Variants in ANKS1B observed in about 807,000 individuals in gnomAD.
ANKS1B encodes the protein ankyrin repeat and sterile alpha motif domain-containing protein 1B.
A neutral mutation model predicts 148.3 loss-of-function variants in ANKS1B; 36 were observed. That is an observed-to-expected ratio of 0.24 (90% CI 0.19 to 0.32). ANKS1B has a LOEUF of 0.32. ANKS1B is among the 10% of genes least tolerant of loss of function. ANKS1B has a pLI of 1.00. For missense variants in ANKS1B, 1,157 were observed against 1,542.6 expected (o/e 0.75, Z 4.19); for synonymous variants, 542 against 560.8 (o/e 0.97, Z 0.47).
chr12:98,984,929 T>A (rs2099922359), intron 17 of ANKS1B, among the ~76,000 whole-genome samples: 1 of 152,140 alleles, frequency 6.6e-6, no homozygotes, highest in African/African-American at 2.4e-5. Flanking sequence ...AAGGATTGCT[T>A]GAGCTTGGGA....
chr12:98,896,969 C>A (rs1043653299), intron 17 of ANKS1B, among the ~76,000 whole-genome samples: 2 of 152,184 alleles, frequency 1.3e-5, no homozygotes, highest in African/African-American at 4.8e-5. Context: ...GCTGTCATTT[C>A]TTGGCAGTGA....
At chr12:99,491,954 A>G (rs1191324060) in intron 10 of ANKS1B, among the ~76,000 whole-genome samples, 1 of 152,170 alleles carries the variant, frequency 6.6e-6, no homozygotes, top group Non-Finnish European at 1.5e-5. Context: ...CACATCAAAA[A>G]TTTAGAAAGA....
chr12:98,883,250 T>C (rs2099719251), intron 17 of ANKS1B, among the ~76,000 whole-genome samples: 2 of 152,248 alleles, frequency 1.3e-5, no homozygotes, highest in Non-Finnish European at 2.9e-5. Context: ...GATTCCAAGA[T>C]TGTGCATAAA....
intron 15 of ANKS1B, among the ~76,000 whole-genome samples, chr12:99,089,206 T>G (rs986345835): frequency 3.3e-5 from 5 of 151,846 alleles, no homozygotes; most frequent in Non-Finnish European, 1.5e-5. Context: ...GTCAATGATT[T>G]GGGGGCAGAG....
At chr12:99,605,117 A>G (rs2097842383) in intron 9 of ANKS1B, among the ~76,000 whole-genome samples, 1 of 152,054 alleles carries the variant, frequency 6.6e-6, no homozygotes, top group African/African-American at 2.4e-5. Flanking sequence ...TCTTAACACT[A>G]AAGGTAATTT....
chr12:99,282,500 G>A (rs556577199), intron 12 of ANKS1B, among the ~76,000 whole-genome samples: 27 of 152,266 alleles, frequency 1.8e-4, no homozygotes, highest in African/African-American at 5.5e-4. Context: ...ACTCTTGTGC[G>A]AATAGACTGT....
chr12:99,731,812 T>C (rs1211085701), intron 8 of ANKS1B, among the ~76,000 whole-genome samples: 1 of 152,138 alleles, frequency 6.6e-6, no homozygotes, highest in African/African-American at 2.4e-5. Context: ...ACTGTAAAAC[T>C]GGGCTTCATC....
intron 14 of ANKS1B, among the ~76,000 whole-genome samples, chr12:99,222,037 C>T (rs2085207459): frequency 6.6e-6 from 1 of 151,784 alleles, no homozygotes; most frequent in Admixed American, 6.6e-5. Flanking sequence ...CTATGTTCTA[C>T]TGTGGAAATA....
intron 17 of ANKS1B, among the ~76,000 whole-genome samples, chr12:98,889,590 A>C (rs1381219317): frequency 6.6e-6 from 1 of 152,164 alleles, no homozygotes; most frequent in African/African-American, 2.4e-5. Flanking sequence ...CAAGTGATCC[A>C]CCTGCCTCAG....
chr12:99,127,666 C>T (rs1448673701), intron 15 of ANKS1B, among the ~76,000 whole-genome samples: 1 of 152,156 alleles, frequency 6.6e-6, no homozygotes, highest in East Asian at 1.9e-4. Flanking sequence ...GCACCAAGGG[C>T]CGTGTAGTTT....
At chr12:99,829,494 C>CA (rs1297246464) in intron 1 of ANKS1B, among the ~76,000 whole-genome samples, 2 of 151,874 alleles carry the variant, frequency 1.3e-5, no homozygotes, top group Non-Finnish European at 2.9e-5. Context: ...ACTAAAAATA[C>CA]AAAAAAATTA....
At position 98,908,799 on chromosome 12, in the gene ANKS1B, G is replaced by A. The variant is rs118034139; in HGVS notation, c.2779-76663C>T. ...AAGAGTTGGTGAGGGCGAAGCATTT[G>A]CAGGGGAAGAGAACAGGAGTGACAG... On this transcript the variant is annotated intron_variant, in intron 17 of 26. Transcript: ENST00000683438. Among the ~76,000 whole-genome samples, 23 of 152,304 alleles carry A rather than the reference G, an allele frequency of 1.5e-4. No individual in the cohort carries two copies. The East Asian group carries it at 4.4e-3, about 29-fold the overall frequency.
intron 17 of ANKS1B, among the ~76,000 whole-genome samples, chr12:98,953,527 A>T: frequency 1.6e-5 from 2 of 124,010 alleles, no homozygotes; most frequent in African/African-American, 7.1e-5. Context: ...CCATTTGAGA[A>T]TCTAGAGTGG....
At chr12:98,971,411 A>T (rs953674631) in intron 17 of ANKS1B, among the ~76,000 whole-genome samples, 1 of 152,218 alleles carries the variant, frequency 6.6e-6, no homozygotes, top group Non-Finnish European at 1.5e-5. Flanking sequence ...AGAAAAGGCC[A>T]CTTTAGAAAT....
chr12:98,981,706 C>G (rs2099911142), intron 17 of ANKS1B, among the ~76,000 whole-genome samples: 1 of 152,154 alleles, frequency 6.6e-6, no homozygotes, highest in South Asian at 2.1e-4. Context: ...AGCCTATTTC[C>G]CAAATCTGTT....
chr12:99,476,668 T>C (rs1333097236), intron 10 of ANKS1B, among the ~76,000 whole-genome samples: 1 of 152,212 alleles, frequency 6.6e-6, no homozygotes, highest in African/African-American at 2.4e-5. Context: ...TATTTTGCAC[T>C]ATCTTCACTG....
intron 11 of ANKS1B, among the ~76,000 whole-genome samples, chr12:99,409,155 T>C (rs1478843386): frequency 6.6e-6 from 1 of 152,224 alleles, no homozygotes; most frequent in Non-Finnish European, 1.5e-5. Flanking sequence ...CACAATGGCA[T>C]ACTATTCGGC....
chr12:99,406,548 A>G (rs1390036672), intron 11 of ANKS1B, among the ~76,000 whole-genome samples: 1 of 145,508 alleles, frequency 6.9e-6, no homozygotes, highest in Non-Finnish European at 1.5e-5. Context: ...GAAAATTTAT[A>G]GCTATAAGCA....
chr12:99,577,503 GA>G (rs2097530244), intron 9 of ANKS1B, among the ~76,000 whole-genome samples: 1 of 151,372 alleles, frequency 6.6e-6, no homozygotes, highest in South Asian at 2.1e-4. Context: ...AAAAAAGAGA[GA>G]GAAGATCCAA....
Sources: allele counts gnomAD v4.1 joint callset (sites outside exome capture counted in the v4.1 genomes callset), GRCh38; gene constraint gnomAD v4.1.1; transcripts MANE v1.5; gene names NCBI Gene and HGNC (gene_info 2026-07-23, HGNC 2026-07-21).